CP: variants seen among roughly 807,000 people sequenced by gnomAD.
The protein encoded by CP is ceruloplasmin, also known as caeruloplasmin.
In CP, 64 loss-of-function variants were observed where a neutral mutation model predicts 122.4. That is an observed-to-expected ratio of 0.52 (90% CI 0.43 to 0.64). The LOEUF (loss-of-function observed/expected upper bound fraction) is 0.64, where lower values mean the gene tolerates loss of function less well. Ranked by LOEUF, CP falls within the 30% of genes least tolerant of loss-of-function variation. The pLI, the probability that CP is intolerant of heterozygous loss-of-function variation, is 0.00. For missense variants in CP, 1,167 were observed against 1,284.4 expected (o/e 0.91, Z 1.40); for synonymous variants, 440 against 436.4 (o/e 1.01, Z -0.10).
At chr3:149,216,860 T>C (rs180709943) in intron 1 of CP, among the ~76,000 whole-genome samples, 18 of 152,050 alleles carry the variant, frequency 1.2e-4, no homozygotes, top group Admixed American at 7.9e-4. Context: ...AGCTGTCTTG[T>C]GTGAAGTGTT....
At chr3:149,215,256 G>C (rs1330765789) in intron 1 of CP, among the ~76,000 whole-genome samples, 1 of 152,120 alleles carries the variant, frequency 6.6e-6, no homozygotes, top group East Asian at 1.9e-4. Context: ...AGCAGGCTTT[G>C]TCAAAATGAT....
At chr3:149,191,134 C>T (rs1328086880) in intron 9 of CP, among the ~76,000 whole-genome samples, 1 of 150,542 alleles carries the variant, frequency 6.6e-6, no homozygotes, top group African/African-American at 2.4e-5. Flanking sequence ...CTTCCCTTTG[C>T]TTTCCTCTCA....
chr3:149,167,529 TGCC>T (rs1724547448), downstream of CP, among the ~76,000 whole-genome samples: 1 of 152,240 alleles, frequency 6.6e-6, no homozygotes, highest in Admixed American at 6.5e-5. Context: ...ATATTTTCTC[TGCC>T]ATACGGTTTT....
In CP at chr3:149,212,712, C is replaced by T; in HGVS notation, c.147-14G>A. On this transcript the variant is annotated splice_polypyrimidine_tract_variant and intron_variant, in intron 1 of 18. Transcript: ENST00000264613. ...TTGGAATGTTCCCTGCAAAGAAAAACAAGACAACTCTATCAGAAGCCATCA... is the reference window on the plus strand; with the variant it reads ...TTGGAATGTTCCCTGCAAAGAAAAATAAGACAACTCTATCAGAAGCCATCA... 7 of 1,612,510 alleles carry T rather than the reference C, an allele frequency of 4.3e-6. No homozygotes were observed. Among genetic ancestry groups the T allele is most frequent in the Non-Finnish European group, 5.9e-6 (7 of 1,179,652 alleles).
chr3:149,205,358 ATATCCAGC>A (rs1727635787), intron 6 of CP, among the ~76,000 whole-genome samples: 1 of 149,258 alleles, frequency 6.7e-6, no homozygotes, highest in African/African-American at 2.4e-5. Flanking sequence ...ATTATTTTGC[ATATCCAGC>A]TAGAAGCGGA....
intron 9 of CP, among the ~76,000 whole-genome samples, chr3:149,194,276 TC>T (rs1726745989): frequency 6.6e-6 from 1 of 151,028 alleles, no homozygotes; most frequent in South Asian, 2.1e-4. Context: ...TCTGGCTTTG[TC>T]CCCCAGGTTA....
At chr3:149,208,703 TA>T (rs1727915867) in intron 4 of CP, among the ~76,000 whole-genome samples, 1 of 152,016 alleles carries the variant, frequency 6.6e-6, no homozygotes, top group African/African-American at 2.4e-5. Context: ...GTCTAAACTG[TA>T]AAAAAAGCAT....
chr3:149,183,542 C>T lies in CP; in HGVS notation c.2349G>A (p.Val783=), dbSNP rs1245707193. 9.9e-6 allele frequency: 16 copies of T among 1,610,424 alleles called. No homozygotes were observed. Among genetic ancestry groups the T allele is most frequent in the Middle Eastern group, 1.9e-4 (1 of 5,260 alleles). ...ATGTGCTATCAGTATACTGCCGATA[C>T]ACAACTTTCTTGTACTTTGAGCCTA... ...FYIGSKYKKV[V]YRQYTDSTFR... The change falls in exon 13 of 19, where the codon GTG becomes GTA. Residue 783 remains valine, a synonymous_variant. Transcript: ENST00000264613.
In CP at chr3:149,199,773, C is replaced by A. The variant is rs1559950439; in HGVS notation, c.1440G>T (p.Val480=). ...AYPLSIEPIG[V]RFNKNNEGTY... ...TGCCCTCGTTGTTCTTATTGAATCTCACCCCAATCGGCTCAATACTGAGGG... is the reference window on the plus strand; with the variant it reads ...TGCCCTCGTTGTTCTTATTGAATCTAACCCCAATCGGCTCAATACTGAGGG... The change falls in exon 8 of 19, where the codon GTG becomes GTT. Residue 480 remains valine, a synonymous_variant. Transcript: ENST00000264613. 1.2e-6 allele frequency: 2 copies of A among 1,614,158 alleles called. No individual in the cohort carries two copies. The highest frequency in any genetic ancestry group is 2.2e-5 in the South Asian group (2 of 91,080).
chr3:149,181,300 G>T (rs565878489), intron 14 of CP, among the ~76,000 whole-genome samples: 2 of 152,022 alleles, frequency 1.3e-5, no homozygotes, highest in African/African-American at 2.4e-5. Context: ...TGTCTTCGGG[G>T]CCTAGAATCA....
intron 10 of CP, 93 bp from the exon 11 acceptor site, chr3:149,186,825 A>T (rs1433418650): frequency 3.3e-6 from 4 of 1,216,396 alleles, no homozygotes; most frequent in Non-Finnish European, 4.8e-6. Flanking sequence ...TGTTTTTTTA[A>T]TTTTTAAAAG....
At chr3:149,187,796 A>G (rs1726272120) in intron 10 of CP, 1 of 443,640 alleles carries the variant, frequency 2.3e-6, no homozygotes, top group South Asian at 2.4e-5. Context: ...TAAGTCCCTC[A>G]GTGATGCTGA....
chr3:149,181,976 A>ACAACCCCC, intron 14 of CP, 29 bp downstream of exon 14: 2 of 561,800 alleles, frequency 3.6e-6, no homozygotes, highest in Non-Finnish European at 6.7e-6. Flanking sequence ...GTTAAAATGC[A>ACAACCCCC]CCACCCCCAC....
Position 149,207,536 on chromosome 3 carries a change from A to G in CP, c.863T>C (p.Met288Thr), listed in dbSNP as rs747305045. 90 of 1,613,918 alleles carry G rather than the reference A, an allele frequency of 5.6e-5. No individual in the cohort carries two copies. In the South Asian group the frequency reaches 7.6e-4, roughly 14 times the overall value. Residue 288 changes from methionine to threonine, a missense_variant, in exon 5 of 19, where the codon ATG becomes ACG. Met to Thr is a moderately conservative substitution (Grantham distance 81). This residue lies in a region of CP where 642 missense variants were observed against 627.3 expected (regional missense o/e 1.02). Coordinates refer to ENST00000264613, the MANE Select transcript of CP (RefSeq NM_000096.4). ...EDRVKWYLFG[M>T]GNEVDVHAAF... ...TGCGTGCACATCAACTTCATTACCC[A>G]TACCAAAAAGGTACCATTTTACTCT...
downstream of CP, among the ~76,000 whole-genome samples, chr3:149,170,932 T>C (rs1190097157): frequency 6.6e-6 from 1 of 152,172 alleles, no homozygotes; most frequent in African/African-American, 2.4e-5. Context: ...TAAGAAGCTG[T>C]AGAATCATAA....
intron 7 of CP, chr3:149,200,107 A>G (rs1054242089): frequency 2.0e-6 from 1 of 502,616 alleles, no homozygotes; most frequent in African/African-American, 1.9e-5. Context: ...TTTTTGTACA[A>G]GTCAGTTAGT....
chr3:149,190,458 A>G (rs1293662713), intron 9 of CP, among the ~76,000 whole-genome samples: 1 of 151,988 alleles, frequency 6.6e-6, no homozygotes, highest in Non-Finnish European at 1.5e-5. Flanking sequence ...AGAAGGTTGC[A>G]ACCAGCCTGG....
At chr3:149,218,870 T>A (rs1307704235) in intron 1 of CP, among the ~76,000 whole-genome samples, 1 of 152,174 alleles carries the variant, frequency 6.6e-6, no homozygotes, top group Non-Finnish European at 1.5e-5. Flanking sequence ...CAGCTTAAAC[T>A]CGATTCTTTA....
intron 10 of CP, among the ~76,000 whole-genome samples, chr3:149,187,487 TAA>T (rs1242029471): frequency 6.6e-6 from 1 of 152,166 alleles, no homozygotes; most frequent in Non-Finnish European, 1.5e-5. Flanking sequence ...TAGACTTAAA[TAA>T]AAATCTCTGG....
Sources: gnomAD v4.1 joint callset for allele counts (sites outside exome capture counted in the v4.1 genomes callset) on GRCh38, gnomAD v4.1.1 for gene constraint, gnomAD v4.1.1 regional missense constraint, MANE v1.5 for transcripts, NCBI Gene and HGNC (gene_info 2026-07-23, HGNC 2026-07-21) for gene names.